CD34: variants seen among roughly 807,000 people sequenced by gnomAD.
CD34 encodes the protein hematopoietic progenitor cell antigen CD34.
CD34 carries 34 observed loss-of-function variants against 40.1 expected under a neutral mutation model. That is an observed-to-expected ratio of 0.85 (90% CI 0.65 to 1.13). The LOEUF (loss-of-function observed/expected upper bound fraction) is 1.13. CD34 is among the 50% of genes most tolerant of loss of function. The probability of loss-of-function intolerance (pLI) is 0.00; values close to 1 mark genes in which losing one functional copy is unlikely to be tolerated. For synonymous variants in CD34, 209 were observed against 190.0 expected (o/e 1.10, Z -0.82); for missense variants, 426 against 466.9 (o/e 0.91, Z 0.81).
chr1:207,888,288 T>C (rs866745240), intron 7 of CD34, among the ~76,000 whole-genome samples: 13 of 152,190 alleles, frequency 8.5e-5, no homozygotes, highest in African/African-American at 3.1e-4. Context: ...TCATCCAGAA[T>C]GGCAAATGGG....
chr1:207,884,202 T>C lies in CD34; in HGVS notation c.*3536A>G, dbSNP rs1447838814. The C allele has an allele frequency of 6.6e-6, 1 of 152,218 alleles. No homozygotes were observed. Among genetic ancestry groups the C allele is most frequent in the Non-Finnish European group, 1.5e-5 (1 of 68,040 alleles). 9.4% of individuals were successfully genotyped at this position (152,218 alleles called of 1,614,324 possible). On this transcript the variant is annotated 3_prime_UTR_variant, in exon 8 of 8. Transcript: ENST00000310833. ...CTTGGCATACAACCTGCTTCTCCAC[T>C]TCATTCAAGTGAAGCTGTGCTCTCC...
rs1015087028 is a variant in CD34, at chr1:207,883,882, T to G, written c.*3856A>C. The G allele has an allele frequency of 6.6e-6, 1 of 151,972 alleles. No homozygotes were observed. The highest frequency in any genetic ancestry group is 6.6e-5 in the Admixed American group (1 of 15,252). 9.4% of individuals were successfully genotyped at this position (151,972 alleles called of 1,614,324 possible). Reference sequence around the variant, plus strand: ...GCCATGATCGTTCTTCTTGCTACGGTCTCCTTCTACTTTCTTATCCCTCAA... The same window carrying G: ...GCCATGATCGTTCTTCTTGCTACGGGCTCCTTCTACTTTCTTATCCCTCAA... On this transcript the variant is annotated 3_prime_UTR_variant, in exon 8 of 8. Coordinates refer to ENST00000310833, the MANE Select transcript of CD34 (RefSeq NM_001025109.2).
chr1:207,891,358 A>C lies in CD34; in HGVS notation c.598-1737T>G, dbSNP rs917688176. On this transcript the variant is annotated intron_variant, in intron 4 of 7. Transcript: ENST00000310833. Reference sequence around the variant, plus strand: ...GTATCTATGAATTCCACCTTGTCAAAGCTTTCAGTTTGCATGTACGGCAAT... The same window carrying C: ...GTATCTATGAATTCCACCTTGTCAACGCTTTCAGTTTGCATGTACGGCAAT... Among the ~76,000 whole-genome samples the C allele has an allele frequency of 5.9e-5, 9 of 152,184 alleles. No homozygotes were observed. The South Asian group carries it at 1.5e-3, about 25-fold the overall frequency.
intron 1 of CD34, among the ~76,000 whole-genome samples, chr1:207,909,704 G>T (rs1279231877): frequency 6.6e-6 from 1 of 152,194 alleles, no homozygotes; most frequent in Non-Finnish European, 1.5e-5. Context: ...ACTGCGCCCG[G>T]CCGACTCACT....
At chr1:207,889,089 C>G in intron 6 of CD34, 72 bp downstream of exon 6, 2 of 1,006,526 alleles carry the variant, frequency 2.0e-6, no homozygotes, top group Admixed American at 3.4e-5. Context: ...AAGATAATGA[C>G]TTCCCCCCTT....
In CD34 at chr1:207,907,051, G is replaced by A. The variant is rs550218918; in HGVS notation, c.79+3951C>T. On this transcript the variant is annotated intron_variant, in intron 1 of 7. Coordinates refer to ENST00000310833, the MANE Select transcript of CD34 (RefSeq NM_001025109.2). ...GTCCGCACTAGTATACCACTTCACCGTAAGTTAGCCAAGGTAAAGTAAGTT... is the reference window on the plus strand; with the variant it reads ...GTCCGCACTAGTATACCACTTCACCATAAGTTAGCCAAGGTAAAGTAAGTT... 3.2e-4 allele frequency among the ~76,000 whole-genome samples: 48 copies of A among 151,942 alleles called. 1 individual carries two copies. The highest frequency in any genetic ancestry group is 7.2e-4 in the Admixed American group (11 of 15,242).
At chr1:207,907,865 C>G (rs1662414857) in intron 1 of CD34, among the ~76,000 whole-genome samples, 1 of 152,220 alleles carries the variant, frequency 6.6e-6, no homozygotes, top group African/African-American at 2.4e-5. Flanking sequence ...GCCCTGGCGA[C>G]TGTGAGAATT....
intron 7 of CD34, chr1:207,888,225 C>T: frequency 2.5e-6 from 3 of 1,178,094 alleles, no homozygotes; most frequent in Middle Eastern, 2.0e-4. Context: ...ATGACCTCCC[C>T]AGGGTAGGGG....
In CD34 at chr1:207,881,738, A is replaced by G. The variant is rs1370432372; in HGVS notation, c.*6000T>C. 1 of 152,064 alleles carries G rather than the reference A, an allele frequency of 6.6e-6. No individual in the cohort carries two copies. Among genetic ancestry groups the G allele is most frequent in the African/African-American group, 2.4e-5 (1 of 41,426 alleles). 9.4% of individuals were successfully genotyped at this position (152,064 alleles called of 1,614,324 possible). A position where few individuals can be genotyped will look rare whatever the true frequency, so the allele number is the denominator to read the frequency against. The stretch of plus-strand genomic sequence containing the variant: ...GAGAGATTTACCAAAGTCTAAAACA[A>G]TGACACTCTTTTTCCTAATTGTTTT... On this transcript the variant is annotated 3_prime_UTR_variant, in exon 8 of 8. Coordinates refer to ENST00000310833, the MANE Select transcript of CD34 (RefSeq NM_001025109.2).
intron 1 of CD34, 114 bp downstream of exon 1, chr1:207,910,888 T>G: frequency 9.3e-7 from 1 of 1,076,170 alleles, no homozygotes; most frequent in Non-Finnish European, 1.3e-6. Flanking sequence ...AGTGCGTGGG[T>G]TGGGCAGGGG....
In CD34 at chr1:207,906,031, G is replaced by A. The variant is rs949587494; in HGVS notation, c.79+4971C>T. ...TCTGCAGTGCCAGTGATGTGCAAAG[G>A]ATCTCGCTCAGTGCTGTGGAGAGTA... On this transcript the variant is annotated intron_variant, in intron 1 of 7. Coordinates refer to ENST00000310833, the MANE Select transcript of CD34 (RefSeq NM_001025109.2). Among the ~76,000 whole-genome samples, 8 of 152,284 alleles carry A rather than the reference G, an allele frequency of 5.3e-5. No homozygotes were observed. In the South Asian group the frequency reaches 1.7e-3, roughly 32 times the overall value.
At position 207,888,076 on chromosome 1, in the gene CD34, T is replaced by C. The variant is rs753464253; in HGVS notation, c.973-153A>G. On this transcript the variant is annotated intron_variant, in intron 7 of 7. Transcript: ENST00000310833. ...ATCGGAGGGAGGGTGCAGCTGCATG[T>C]GCAGACTCCTTTCTTCCTGAAGAGT... 21 of 1,613,632 alleles carry C rather than the reference T, an allele frequency of 1.3e-5. No homozygotes were observed. The South Asian group carries it at 1.6e-4, about 13-fold the overall frequency.
chr1:207,890,001 C>T (rs920541855), intron 4 of CD34: 1 of 1,412,618 alleles, frequency 7.1e-7, no homozygotes, highest in East Asian at 2.7e-5. Flanking sequence ...TTCAAGATTA[C>T]AGCAGTCCCC....
chr1:207,899,308 A>C (rs568752718), intron 2 of CD34, 82 bp from the exon 3 acceptor site: 1 of 1,424,904 alleles, frequency 7.0e-7, no homozygotes, highest in African/African-American at 1.4e-5. Context: ...ATGGGCATGC[A>C]CTTCAACACA....
At position 207,899,003 on chromosome 1, in the gene CD34, T is replaced by G. The variant is rs1269335884; in HGVS notation, c.486A>C (p.Thr162=). The part of the protein sequence containing the change: ...SLATSPTKPY[T]SSSPILSDIK... Reference sequence around the variant, plus strand: ...TGTCACTTAGGATAGGAGAAGATGATGTATAGGGTTTAGTGGGAGATGTTG... The same window carrying G: ...TGTCACTTAGGATAGGAGAAGATGAGGTATAGGGTTTAGTGGGAGATGTTG... Residue 162 remains threonine, a synonymous_variant, in exon 3 of 8, where the codon ACA becomes ACC. Coordinates refer to ENST00000310833, the MANE Select transcript of CD34 (RefSeq NM_001025109.2). 1 of 1,614,028 alleles carries G rather than the reference T, an allele frequency of 6.2e-7. No individual in the cohort carries two copies. The highest frequency in any genetic ancestry group is 8.5e-7 in the Non-Finnish European group (1 of 1,180,018).
At chr1:207,889,755 G>GAA (rs3043874) in intron 4 of CD34, 134 bp from the exon 5 acceptor site, 136,119 of 1,339,820 alleles carry the variant, frequency 0.1, 3 homozygotes, top group South Asian at 0.15. Context: ...AATTCCAACA[G>GAA]AAAAAAAAAA....
chr1:207,887,451 C>A lies in CD34; in HGVS notation c.*287G>T. 2.5e-6 allele frequency: 1 copy of A among 407,048 alleles called. No homozygotes were observed. Among genetic ancestry groups the A allele is most frequent in the Non-Finnish European group, 4.5e-6 (1 of 224,540 alleles). 25.2% of individuals were successfully genotyped at this position (407,048 alleles called of 1,614,324 possible). On this transcript the variant is annotated 3_prime_UTR_variant, in exon 8 of 8. Coordinates refer to ENST00000310833, the MANE Select transcript of CD34 (RefSeq NM_001025109.2). ...GGAAGGGGGTCCTGTGTGAGTGCTGCAAGGCCATCGATTGTTCCTGGGAGC... is the reference window on the plus strand; with the variant it reads ...GGAAGGGGGTCCTGTGTGAGTGCTGAAAGGCCATCGATTGTTCCTGGGAGC...
In CD34 at chr1:207,881,760, T is replaced by C. The variant is rs1175157493; in HGVS notation, c.*5978A>G. 6.6e-6 allele frequency: 1 copy of C among 152,146 alleles called. No homozygotes were observed. The highest frequency in any genetic ancestry group is 1.5e-5 in the Non-Finnish European group (1 of 68,022). The allele number at this position is 152,146 out of a possible 1,614,324, so 9.4% of individuals were successfully genotyped here. ...ACAATGACACTCTTTTTCCTAATTG[T>C]TTTTGTTTTGGAAAATATAATTATT... On this transcript the variant is annotated 3_prime_UTR_variant, in exon 8 of 8. Coordinates refer to ENST00000310833, the MANE Select transcript of CD34 (RefSeq NM_001025109.2).
chr1:207,897,935 T>C (rs1038166743), intron 3 of CD34, among the ~76,000 whole-genome samples: 8 of 152,170 alleles, frequency 5.3e-5, no homozygotes, highest in Non-Finnish European at 7.4e-5. Flanking sequence ...AGGAAGGCCA[T>C]ATAGGCAAAC....
Sources: gnomAD v4.1 joint callset for allele counts (sites outside exome capture counted in the v4.1 genomes callset) on GRCh38, gnomAD v4.1.1 for gene constraint, MANE v1.5 for transcripts, NCBI Gene and HGNC (gene_info 2026-07-23, HGNC 2026-07-21) for gene names.